The following AOPEP variants were observed in gnomAD, a reference collection of about 807,000 sequenced individuals.
AOPEP encodes the protein aminopeptidase O.
A neutral mutation model predicts 98.1 loss-of-function variants in AOPEP; 77 were observed. That is an observed-to-expected ratio of 0.78 (90% CI 0.65 to 0.95). The LOEUF (loss-of-function observed/expected upper bound fraction) is 0.95. Ranked by LOEUF, AOPEP falls within the 40% of genes least tolerant of loss-of-function variation. AOPEP has a pLI of 0.00. For synonymous variants in AOPEP, 346 were observed against 365.3 expected (o/e 0.95, Z 0.60); for missense variants, 1,024 against 1,024.7 (o/e 1.00, Z 0.01).
intron 11 of AOPEP, among the ~76,000 whole-genome samples, chr9:95,003,142 A>ATG (rs139797365): frequency 0.26 from 38,853 of 149,316 alleles, 5,485 homozygotes; most frequent in Non-Finnish European, 0.33. Flanking sequence ...AGAATTAAGA[A>ATG]TGTGTGTGTG....
At chr9:94,853,385 G>T (rs944937699) in intron 5 of AOPEP, among the ~76,000 whole-genome samples, 2 of 152,068 alleles carry the variant, frequency 1.3e-5, no homozygotes, top group Non-Finnish European at 2.9e-5. Flanking sequence ...ACTTGAACCT[G>T]GGAAGTGGAG....
At chr9:95,057,887 C>T (rs1202290122) in intron 13 of AOPEP, among the ~76,000 whole-genome samples, 1 of 152,114 alleles carries the variant, frequency 6.6e-6, no homozygotes, top group Non-Finnish European at 1.5e-5. Flanking sequence ...GCACTGTGGT[C>T]GGGGGCCTTG....
At chr9:95,028,263 G>T (rs1336653889) in intron 13 of AOPEP, among the ~76,000 whole-genome samples, 1 of 152,216 alleles carries the variant, frequency 6.6e-6, no homozygotes, top group Non-Finnish European at 1.5e-5. Flanking sequence ...TTGTCATGTG[G>T]TGGCAGTTTG....
chr9:95,136,759 C>T, the AOPEP span, among the ~76,000 whole-genome samples: 1 of 152,226 alleles, frequency 6.6e-6, no homozygotes, highest in Non-Finnish European at 1.5e-5. Context: ...GTTGGGAATA[C>T]AGGCCTGAGC....
At chr9:95,128,853 G>A in the AOPEP span, among the ~76,000 whole-genome samples, 1 of 151,902 alleles carries the variant, frequency 6.6e-6, no homozygotes, top group Non-Finnish European at 1.5e-5. Context: ...AGGCCAGGAG[G>A]CAGGGGAACC....
At position 94,935,702 on chromosome 9, in the gene AOPEP, C is replaced by T. The variant is rs909838860; in HGVS notation, c.1661+7171C>T. ...AGAGAGCATGCCAAGGGCTGGTGTG[C>T]ACACGGGTGGGGTGTGGGCATGGCC... On this transcript the variant is annotated intron_variant, in intron 7 of 16. Transcript: ENST00000375315. Among the ~76,000 whole-genome samples, 17 of 152,286 alleles carry T rather than the reference C, an allele frequency of 1.1e-4. No individual in the cohort carries two copies. The East Asian group carries it at 2.1e-3, about 19-fold the overall frequency.
intron 5 of AOPEP, among the ~76,000 whole-genome samples, chr9:94,804,417 A>T (rs529409240): frequency 2.8e-4 from 42 of 152,158 alleles, no homozygotes; most frequent in African/African-American, 9.9e-4. Context: ...CTTATTTCAG[A>T]GTGGTTTTCT....
chr9:94,726,950 G>T (rs1463640687), intron 1 of AOPEP, among the ~76,000 whole-genome samples, 199 bp downstream of exon 1: 1 of 152,198 alleles, frequency 6.6e-6, no homozygotes, highest in African/African-American at 2.4e-5. Context: ...GGACTGGGCG[G>T]AGCGGTCACA....
chr9:95,117,281 C>A, the AOPEP span: 2 of 1,593,958 alleles, frequency 1.3e-6, no homozygotes, highest in South Asian at 2.2e-5. Context: ...CCCAGGAAAT[C>A]ATTCTGATGT....
chr9:94,999,496 G>A (rs2061430121), intron 11 of AOPEP, among the ~76,000 whole-genome samples: 1 of 152,166 alleles, frequency 6.6e-6, no homozygotes, highest in South Asian at 2.1e-4. Flanking sequence ...TTGTCCTATG[G>A]CTCCTCACAG....
chr9:94,741,493 C>T (rs1255080237), intron 1 of AOPEP, among the ~76,000 whole-genome samples: 1 of 151,912 alleles, frequency 6.6e-6, no homozygotes, highest in Non-Finnish European at 1.5e-5. Flanking sequence ...GGATGGTCTC[C>T]ATCTCCTGAC....
intron 1 of AOPEP, among the ~76,000 whole-genome samples, chr9:94,731,340 G>A (rs1180713303): frequency 6.6e-6 from 1 of 151,626 alleles, no homozygotes; most frequent in South Asian, 2.1e-4. Context: ...CCATTCACCT[G>A]CCTCAGCCTC....
intron 5 of AOPEP, among the ~76,000 whole-genome samples, chr9:94,811,758 C>T (rs1029315495): frequency 6.6e-5 from 10 of 152,162 alleles, no homozygotes; most frequent in African/African-American, 2.4e-4. Context: ...CCCCCAGAGG[C>T]GGCATCTCCT....
intron 1 of AOPEP, among the ~76,000 whole-genome samples, chr9:94,739,246 G>A (rs1832510502): frequency 6.6e-6 from 1 of 152,152 alleles, no homozygotes; most frequent in South Asian, 2.1e-4. Context: ...TGTTGTCCTG[G>A]TGGTTGTCTT....
In AOPEP at chr9:94,940,729, A is replaced by C. The variant is rs533105273; in HGVS notation, c.1661+12198A>C. 4.6e-5 allele frequency among the ~76,000 whole-genome samples: 7 copies of C among 152,368 alleles called. No individual in the cohort carries two copies. In the East Asian group the frequency reaches 1.2e-3, roughly 25 times the overall value. On this transcript the variant is annotated intron_variant, in intron 7 of 16. Coordinates refer to ENST00000375315, the MANE Select transcript of AOPEP (RefSeq NM_001193329.3). ...GGCACTTGGAAAAGGTTTGTCCAAC[A>C]AGTGGCAGAGGGCACAGGGACACAG...
At chr9:94,799,861 CAAA>C (rs34659070) in intron 4 of AOPEP, among the ~76,000 whole-genome samples, 12 of 120,026 alleles carry the variant, frequency 1.0e-4, no homozygotes, top group African/African-American at 2.5e-4. Context: ...GATTCCATCT[CAAA>C]AAAAAAAAAA....
intron 11 of AOPEP, among the ~76,000 whole-genome samples, chr9:94,996,181 G>C (rs747008267): frequency 3.5e-4 from 54 of 152,160 alleles, no homozygotes; most frequent in Non-Finnish European, 7.2e-4. Flanking sequence ...AAAGTGAAGA[G>C]ATTAGCAGCC....
intron 9 of AOPEP, among the ~76,000 whole-genome samples, chr9:94,964,607 T>G (rs921130004): frequency 6.6e-6 from 1 of 150,404 alleles, no homozygotes; most frequent in African/African-American, 2.4e-5. Context: ...GTAAACTTAG[T>G]AAAAAGTTAT....
intron 13 of AOPEP, among the ~76,000 whole-genome samples, chr9:95,017,903 T>C (rs1368317235): frequency 6.6e-6 from 1 of 152,242 alleles, no homozygotes; most frequent in African/African-American, 2.4e-5. Flanking sequence ...CTACTCAGTC[T>C]TTTGGATCTG....
Sources: allele counts gnomAD v4.1 joint callset (sites outside exome capture counted in the v4.1 genomes callset), GRCh38; gene constraint gnomAD v4.1.1; transcripts MANE v1.5; gene names NCBI Gene and HGNC (gene_info 2026-07-23, HGNC 2026-07-21).